The following UNC5D variants were observed in gnomAD, a reference collection of about 807,000 sequenced individuals.
UNC5D encodes the protein unc-5 netrin receptor D.
Under a neutral mutation model 105.4 loss-of-function variants are expected in UNC5D, and 39 were observed. The ratio of observed to expected loss-of-function variants is 0.37; its 90% CI spans 0.29 to 0.48. The LOEUF (loss-of-function observed/expected upper bound fraction) is 0.48, where lower values mean the gene tolerates loss of function less well. UNC5D is among the 20% of genes least tolerant of loss of function. The pLI, the probability that UNC5D is intolerant of heterozygous loss-of-function variation, is 0.98. For missense variants in UNC5D, 991 were observed against 1,202.4 expected, an observed-to-expected ratio of 0.82 and a Z score of 2.60; for synonymous variants, 452 against 450.4, an observed-to-expected ratio of 1.00 and a Z score of -0.04.
chr8:35,500,542 ATATTT>A (rs1364514697), intron 1 of UNC5D, among the ~76,000 whole-genome samples: 2 of 152,218 alleles, frequency 1.3e-5, no homozygotes, highest in African/African-American at 4.8e-5. Context: ...AATGAATGAA[ATATTT>A]TATTCTCTGT....
At chr8:35,482,540 A>G (rs566908893) in intron 1 of UNC5D, among the ~76,000 whole-genome samples, 1 of 152,232 alleles carries the variant, frequency 6.6e-6, no homozygotes, top group Middle Eastern at 3.4e-3. Context: ...CGAACCACTG[A>G]AAATCCTCTT....
chr8:35,297,903 C>T (rs553348805), intron 1 of UNC5D, among the ~76,000 whole-genome samples: 3 of 152,220 alleles, frequency 2.0e-5, no homozygotes, highest in African/African-American at 7.2e-5. Flanking sequence ...AGCGGGGCCA[C>T]AAATTGGGAG....
intron 1 of UNC5D, among the ~76,000 whole-genome samples, chr8:35,343,986 A>G (rs1311950850): frequency 5.9e-5 from 9 of 152,114 alleles, no homozygotes; most frequent in African/African-American, 1.9e-4. Flanking sequence ...TGTACTGATC[A>G]ATGCTAGAGA....
intron 1 of UNC5D, among the ~76,000 whole-genome samples, chr8:35,375,174 C>G (rs1353667812): frequency 5.3e-5 from 8 of 152,270 alleles, no homozygotes; most frequent in Admixed American, 3.3e-4. Flanking sequence ...TAGGTTCATT[C>G]CATCTCTGTT....
At chr8:35,403,577 A>G (rs1050645041) in intron 1 of UNC5D, among the ~76,000 whole-genome samples, 1 of 152,196 alleles carries the variant, frequency 6.6e-6, no homozygotes, top group African/African-American at 2.4e-5. Context: ...ACACATAACA[A>G]TTGAGCATCA....
At chr8:35,613,060 C>CTG (rs1820795198) in intron 4 of UNC5D, among the ~76,000 whole-genome samples, 1 of 152,042 alleles carries the variant, frequency 6.6e-6, no homozygotes, top group Non-Finnish European at 1.5e-5. Flanking sequence ...CAGCACCTCA[C>CTG]CCACGTCTCA....
chr8:35,726,489 C>T lies in UNC5D; in HGVS notation c.1641C>T (p.Val547=). 2 of 1,613,898 alleles carry T rather than the reference C, an allele frequency of 1.2e-6. No individual in the cohort carries two copies. Among genetic ancestry groups the T allele is most frequent in the Non-Finnish European group, 1.7e-6 (2 of 1,180,002 alleles). Residue 547 remains valine, a synonymous_variant, in exon 10 of 17, where the codon GTC becomes GTT. Transcript: ENST00000404895. ...PTRTELRTTG[V]FGHLGGRLVM... ...GGACAGAACTGAGGACAACTGGTGT[C>T]TTTGGCCATTTAGGGGGGCGCTTAG...
chr8:35,288,402 A>G (rs545255870), intron 1 of UNC5D, among the ~76,000 whole-genome samples: 11 of 152,280 alleles, frequency 7.2e-5, no homozygotes, highest in African/African-American at 2.2e-4. Flanking sequence ...TCGAGCAAAT[A>G]AAAACAGACA....
chr8:35,422,127 C>A (rs1805950180), intron 1 of UNC5D, among the ~76,000 whole-genome samples: 1 of 152,176 alleles, frequency 6.6e-6, no homozygotes, highest in Non-Finnish European at 1.5e-5. Flanking sequence ...GCCTAGAGAG[C>A]CCCATCTCAC....
At chr8:35,597,394 TCAGGCAAGGGACTGTATC>T (rs1819555113) in intron 4 of UNC5D, among the ~76,000 whole-genome samples, 1 of 152,210 alleles carries the variant, frequency 6.6e-6, no homozygotes, top group Non-Finnish European at 1.5e-5. Flanking sequence ...GTGTTAAGTG[TCAGGCAAGGGACTGTATC>T]CCTCTCATTT....
At chr8:35,567,927 G>A (rs1817466454) in intron 2 of UNC5D, among the ~76,000 whole-genome samples, 171 bp from the exon 3 acceptor site, 1 of 152,210 alleles carries the variant, frequency 6.6e-6, no homozygotes, top group Non-Finnish European at 1.5e-5. Context: ...AGCCTACTCA[G>A]CTGTTGAAAT....
chr8:35,757,933 T>A (rs911229868), intron 13 of UNC5D, among the ~76,000 whole-genome samples: 6 of 152,218 alleles, frequency 3.9e-5, no homozygotes, highest in Non-Finnish European at 7.3e-5. Context: ...CATGTGGATA[T>A]TTAACTTTAA....
At chr8:35,372,157 T>C (rs1802460500) in intron 1 of UNC5D, among the ~76,000 whole-genome samples, 1 of 152,216 alleles carries the variant, frequency 6.6e-6, no homozygotes, top group Non-Finnish European at 1.5e-5. Flanking sequence ...GGAGTCTTAC[T>C]CGGTCACCTA....
At chr8:35,246,183 G>C (rs1312469796) in intron 1 of UNC5D, among the ~76,000 whole-genome samples, 1 of 152,096 alleles carries the variant, frequency 6.6e-6, no homozygotes, top group Non-Finnish European at 1.5e-5. Flanking sequence ...TTCCTGCTCT[G>C]AACTTCCGTG....
intron 11 of UNC5D, among the ~76,000 whole-genome samples, chr8:35,742,579 G>A (rs888498304): frequency 6.6e-6 from 1 of 152,108 alleles, no homozygotes; most frequent in African/African-American, 2.4e-5. Flanking sequence ...TAGACCACAA[G>A]GAGGAAAGGA....
chr8:35,522,434 T>G (rs1404098556), intron 1 of UNC5D, among the ~76,000 whole-genome samples: 1 of 152,216 alleles, frequency 6.6e-6, no homozygotes, highest in Non-Finnish European at 1.5e-5. Flanking sequence ...CAAGGGTTTA[T>G]GAAGATGATT....
chr8:35,458,094 G>A (rs1448809457), intron 1 of UNC5D, among the ~76,000 whole-genome samples: 1 of 152,122 alleles, frequency 6.6e-6, no homozygotes, highest in Non-Finnish European at 1.5e-5. Context: ...GAGCACTGCT[G>A]CCTGCTCTGC....
At chr8:35,575,462 C>T (rs775196401) in intron 3 of UNC5D, among the ~76,000 whole-genome samples, 15 of 152,076 alleles carry the variant, frequency 9.9e-5, no homozygotes, top group Admixed American at 6.5e-4. Context: ...TGTTTGTGCA[C>T]TCCTAACAGT....
chr8:35,282,932 T>C (rs1257466453), intron 1 of UNC5D, among the ~76,000 whole-genome samples: 2 of 152,186 alleles, frequency 1.3e-5, no homozygotes, highest in Non-Finnish European at 2.9e-5. Flanking sequence ...TTTTTTACTG[T>C]ATGGAAGCAT....
Sources: gnomAD v4.1 joint callset for allele counts (sites outside exome capture counted in the v4.1 genomes callset) on GRCh38, gnomAD v4.1.1 for gene constraint, MANE v1.5 for transcripts, NCBI Gene and HGNC (gene_info 2026-07-23, HGNC 2026-07-21) for gene names.